The following ASIC2 variants were observed in gnomAD, a reference collection of about 807,000 sequenced individuals.
The protein encoded by ASIC2 is acid sensing ion channel subunit 2.
Under a neutral mutation model 57.3 loss-of-function variants are expected in ASIC2, and 25 were observed. The observed-to-expected ratio is 0.44, with a 90% CI of 0.32 to 0.61. The LOEUF (loss-of-function observed/expected upper bound fraction) is 0.61, where lower values mean the gene tolerates loss of function less well. Ranked by LOEUF, ASIC2 falls within the 20% of genes least tolerant of loss-of-function variation. The pLI, the probability that ASIC2 is intolerant of heterozygous loss-of-function variation, is 0.06. For synonymous variants in ASIC2, 319 were observed against 307.5 expected, an observed-to-expected ratio of 1.04 and a Z score of -0.39; for missense variants, 641 against 738.1, an observed-to-expected ratio of 0.87 and a Z score of 1.52.
At chr17:34,034,616 T>A (rs1376192518) in intron 1 of ASIC2, among the ~76,000 whole-genome samples, 4 of 152,136 alleles carry the variant, frequency 2.6e-5, no homozygotes, top group Admixed American at 2.0e-4. Context: ...GAAAACCCCA[T>A]CGTCTCAGCC....
At position 33,018,604 on chromosome 17, in the gene ASIC2, G is replaced by A. The variant is rs373988295; in HGVS notation, c.1442-920C>T. Among the ~76,000 whole-genome samples the A allele has an allele frequency of 1.3e-3, 203 of 152,346 alleles. 3 individuals carry two copies. Among genetic ancestry groups the A allele is most frequent in the African/African-American group, 4.6e-3 (192 of 41,574 alleles). On this transcript the variant is annotated intron_variant, in intron 7 of 9. Transcript: ENST00000225823. The stretch of plus-strand genomic sequence containing the variant: ...AAAGCTTAAGATGCTTTGCTGCAGA[G>A]GCAGTGTGGCAGAGCCGAGGGCTCT...
chr17:33,346,357 G>A (rs1229006092), intron 1 of ASIC2, among the ~76,000 whole-genome samples: 2 of 152,196 alleles, frequency 1.3e-5, no homozygotes, highest in East Asian at 1.9e-4. Flanking sequence ...GGAGGAGAGG[G>A]CAGTGAGTCA....
intron 1 of ASIC2, among the ~76,000 whole-genome samples, chr17:34,111,729 T>C (rs749287444): frequency 3.3e-5 from 5 of 152,226 alleles, no homozygotes; most frequent in East Asian, 1.9e-4. Context: ...TACAAAACAC[T>C]GCTTTGGGAG....
At chr17:33,771,930 A>G (rs903035277) in intron 1 of ASIC2, among the ~76,000 whole-genome samples, 5 of 152,182 alleles carry the variant, frequency 3.3e-5, no homozygotes, top group South Asian at 4.1e-4. Context: ...GACTGTATAT[A>G]TAGTATGTAG....
chr17:33,630,016 C>T (rs370552523), intron 1 of ASIC2, among the ~76,000 whole-genome samples: 22 of 152,172 alleles, frequency 1.4e-4, no homozygotes, highest in Admixed American at 2.6e-4. Context: ...GACTCAGGTG[C>T]GGTTGCCCTG....
intron 3 of ASIC2, among the ~76,000 whole-genome samples, chr17:33,032,373 T>C (rs1451977668): frequency 6.6e-6 from 1 of 152,026 alleles, no homozygotes; most frequent in East Asian, 1.9e-4. Context: ...TCACATATAA[T>C]TCTATTTATA....
At chr17:33,660,838 C>G (rs1417557149) in intron 1 of ASIC2, among the ~76,000 whole-genome samples, 1 of 152,180 alleles carries the variant, frequency 6.6e-6, no homozygotes, top group African/African-American at 2.4e-5. Context: ...GACTGTATTC[C>G]TGAACTTTGC....
At chr17:33,049,985 G>A (rs2091969056) in intron 3 of ASIC2, among the ~76,000 whole-genome samples, 2 of 152,060 alleles carry the variant, frequency 1.3e-5, no homozygotes, top group Admixed American at 1.3e-4. Context: ...GCTCACTGTT[G>A]CCTCCTAGTG....
chr17:33,321,316 T>G (rs1906859120), intron 1 of ASIC2, among the ~76,000 whole-genome samples: 1 of 152,206 alleles, frequency 6.6e-6, no homozygotes, highest in South Asian at 2.1e-4. Flanking sequence ...TCTTGCACAT[T>G]CTTAGCATGT....
intron 1 of ASIC2, among the ~76,000 whole-genome samples, chr17:33,495,562 G>A (rs1420307226): frequency 6.6e-6 from 1 of 152,172 alleles, no homozygotes; most frequent in Non-Finnish European, 1.5e-5. Flanking sequence ...TTGCGTGCCT[G>A]TTTCCTATTG....
At chr17:33,519,905 A>G (rs1206412535) in intron 1 of ASIC2, among the ~76,000 whole-genome samples, 2 of 152,242 alleles carry the variant, frequency 1.3e-5, no homozygotes, top group Non-Finnish European at 2.9e-5. Context: ...GCCACAGTTA[A>G]TCAGCACATC....
At chr17:33,782,436 A>G (rs1567714194) in intron 1 of ASIC2, among the ~76,000 whole-genome samples, 3 of 150,810 alleles carry the variant, frequency 2.0e-5, no homozygotes, top group African/African-American at 7.3e-5. Context: ...GTGATCTTTT[A>G]AAAATATAAG....
At chr17:33,689,876 G>T (rs892485679) in intron 1 of ASIC2, among the ~76,000 whole-genome samples, 1 of 152,198 alleles carries the variant, frequency 6.6e-6, no homozygotes, top group Non-Finnish European at 1.5e-5. Flanking sequence ...AAGTTGTGCT[G>T]ACAACCACCA....
chr17:33,495,703 G>C (rs1242876542), intron 1 of ASIC2, among the ~76,000 whole-genome samples: 1 of 152,196 alleles, frequency 6.6e-6, no homozygotes, highest in Non-Finnish European at 1.5e-5. Context: ...GAAGCTAACA[G>C]GGTAATGGGG....
intron 1 of ASIC2, among the ~76,000 whole-genome samples, chr17:34,114,812 T>G (rs1341956366): frequency 6.6e-6 from 1 of 152,046 alleles, no homozygotes; most frequent in Non-Finnish European, 1.5e-5. Context: ...CCAAAAGCTG[T>G]GGGTAAGAGG....
At chr17:33,054,383 C>T (rs147543380) in intron 3 of ASIC2, among the ~76,000 whole-genome samples, 339 of 152,268 alleles carry the variant, frequency 2.2e-3, no homozygotes, top group African/African-American at 7.9e-3. Flanking sequence ...CCTCAGTTTC[C>T]CCATAGGTAA....
rs750666212 is a variant in ASIC2, at chr17:33,112,017, G to C, written c.759C>G (p.Gly253=). 9.3e-6 allele frequency: 15 copies of C among 1,613,932 alleles called. 1 individual carries two copies. The South Asian group carries it at 1.6e-4, about 18-fold the overall frequency. Reference sequence around the variant, plus strand: ...CCTTGACCGTGGTGAGCAGAGGTTTGCCATCCTCGCCTGAGTTAAACATGT... The same window carrying C: ...CCTTGACCGTGGTGAGCAGAGGTTTCCCATCCTCGCCTGAGTTAAACATGT... The part of the protein sequence containing the change: ...KCYMFNSGED[G]KPLLTTVKGG... The change falls in exon 2 of 10, where the codon GGC becomes GGG. Residue 253 remains glycine, a synonymous_variant. Transcript: ENST00000225823.
At chr17:33,244,982 C>A (rs554326732) in intron 1 of ASIC2, among the ~76,000 whole-genome samples, 4 of 152,164 alleles carry the variant, frequency 2.6e-5, no homozygotes, top group Non-Finnish European at 4.4e-5. Flanking sequence ...ATCCACATAA[C>A]AAAAGCGTTA....
intron 1 of ASIC2, among the ~76,000 whole-genome samples, chr17:33,981,937 C>G (rs999713073): frequency 5.9e-5 from 9 of 152,192 alleles, no homozygotes; most frequent in African/African-American, 2.2e-4. Context: ...GGCCAGGCAT[C>G]TTAACCACTA....
Sources: allele counts gnomAD v4.1 joint callset (sites outside exome capture counted in the v4.1 genomes callset), GRCh38; gene constraint gnomAD v4.1.1; transcripts MANE v1.5; gene names NCBI Gene and HGNC (gene_info 2026-07-23, HGNC 2026-07-21).